The following HECW2 variants were observed in gnomAD, a reference collection of about 807,000 sequenced individuals.
The protein encoded by HECW2 is HECT, C2 and WW domain containing E3 ubiquitin protein ligase 2.
Under a neutral mutation model 175.2 loss-of-function variants are expected in HECW2, and 61 were observed. The ratio of observed to expected loss-of-function variants is 0.35; its 90% confidence interval spans 0.28 to 0.43. The LOEUF (loss-of-function observed/expected upper bound fraction) is 0.43, where lower values mean the gene tolerates loss of function less well. Ranked by LOEUF, HECW2 falls within the 20% of genes least tolerant of loss-of-function variation. The pLI is 1.00. For missense variants in HECW2, 1,524 were observed against 2,000.5 expected (o/e 0.76, Z 4.54); for synonymous variants, 671 against 731.0 (o/e 0.92, Z 1.32).
intron 1 of HECW2, among the ~76,000 whole-genome samples, chr2:196,517,783 T>C (rs950056884): frequency 6.6e-6 from 1 of 152,136 alleles, no homozygotes; most frequent in Admixed American, 6.5e-5. Flanking sequence ...AGGAAAATTG[T>C]TCCGCTAAAT....
intron 1 of HECW2, among the ~76,000 whole-genome samples, chr2:196,450,429 T>C (rs1696311808): frequency 6.6e-6 from 1 of 151,838 alleles, no homozygotes; most frequent in Non-Finnish European, 1.5e-5. Context: ...TCAACCACCA[T>C]TGTCTAGTCT....
intron 15 of HECW2, among the ~76,000 whole-genome samples, chr2:196,275,803 C>T (rs1479345000): frequency 5.3e-5 from 8 of 151,476 alleles, no homozygotes; most frequent in Admixed American, 4.6e-4. Flanking sequence ...TCCCTCATAA[C>T]AGCAACCACT....
intron 13 of HECW2, among the ~76,000 whole-genome samples, chr2:196,297,603 CTGT>C (rs1318834753): frequency 1.3e-5 from 2 of 152,148 alleles, no homozygotes; most frequent in African/African-American, 4.8e-5. Context: ...TCACCTAATT[CTGT>C]TGTTTTCAAA....
intron 1 of HECW2, among the ~76,000 whole-genome samples, chr2:196,539,949 T>G (rs909616690): frequency 6.6e-6 from 1 of 152,226 alleles, no homozygotes; most frequent in Non-Finnish European, 1.5e-5. Context: ...GTTTTTCCCA[T>G]GTAAAAAGGT....
intron 1 of HECW2, among the ~76,000 whole-genome samples, chr2:196,448,130 T>G (rs1204602924): frequency 6.6e-6 from 1 of 152,234 alleles, no homozygotes; most frequent in African/African-American, 2.4e-5. Flanking sequence ...TATTTGTGAT[T>G]ATAACCTAAA....
chr2:196,535,664 G>A (rs1688996654), intron 1 of HECW2, among the ~76,000 whole-genome samples: 1 of 152,114 alleles, frequency 6.6e-6, no homozygotes, highest in African/African-American at 2.4e-5. Flanking sequence ...GATATTCTCT[G>A]CCTTACCCTC....
chr2:196,541,442 A>G (rs1689209121), intron 1 of HECW2, among the ~76,000 whole-genome samples: 1 of 152,172 alleles, frequency 6.6e-6, no homozygotes, highest in Admixed American at 6.5e-5. Flanking sequence ...CAGAATGGCT[A>G]GAGGATTGGG....
chr2:196,487,064 G>A (rs1462171958), intron 1 of HECW2, among the ~76,000 whole-genome samples: 1 of 150,946 alleles, frequency 6.6e-6, no homozygotes, highest in Admixed American at 6.6e-5. Context: ...CAGGAGAATC[G>A]CTTGAACCCA....
intron 21 of HECW2, among the ~76,000 whole-genome samples, chr2:196,229,700 G>T (rs1687980349): frequency 1.3e-5 from 2 of 152,094 alleles, no homozygotes; most frequent in African/African-American, 4.8e-5. Context: ...CCTATAGGCA[G>T]AAGATAAATA....
chr2:196,494,272 G>A (rs1687303179), intron 1 of HECW2, among the ~76,000 whole-genome samples: 1 of 152,172 alleles, frequency 6.6e-6, no homozygotes, highest in African/African-American at 2.4e-5. Context: ...GCTGGCGGGG[G>A]CTGGGAAGAG....
chr2:196,289,820 A>T (rs1243605231), intron 14 of HECW2: 2 of 152,220 alleles, frequency 1.3e-5, no homozygotes, highest in East Asian at 3.8e-4. Flanking sequence ...CATGCAGCCC[A>T]AAGCAGAGTA....
intron 15 of HECW2, among the ~76,000 whole-genome samples, chr2:196,276,449 T>C (rs1173439081): frequency 2.0e-5 from 3 of 152,296 alleles, no homozygotes; most frequent in African/African-American, 7.2e-5. Flanking sequence ...AGTATAGCTA[T>C]TAATCTCATG....
intron 13 of HECW2, among the ~76,000 whole-genome samples, chr2:196,297,507 A>G (rs756123628): frequency 1.1e-4 from 16 of 152,262 alleles, no homozygotes; most frequent in Non-Finnish European, 2.1e-4. Flanking sequence ...AATGGAAATA[A>G]TAATCAATCC....
intron 1 of HECW2, among the ~76,000 whole-genome samples, chr2:196,475,417 G>C (rs924825870): frequency 7.1e-6 from 1 of 140,838 alleles, no homozygotes; most frequent in African/African-American, 2.6e-5. Flanking sequence ...GAGGGGAGGG[G>C]AGAGAGACGA....
At chr2:196,330,771 GC>G (rs143094052) in intron 4 of HECW2, among the ~76,000 whole-genome samples, 1,746 of 152,174 alleles carry the variant, frequency 0.011, 32 homozygotes, top group African/African-American at 0.04. Flanking sequence ...ATTTCCATCT[GC>G]CAATCCCTCC....
intron 2 of HECW2, among the ~76,000 whole-genome samples, chr2:196,376,617 C>CA (rs1191992677): frequency 6.7e-5 from 9 of 133,456 alleles, no homozygotes; most frequent in Admixed American, 1.7e-4. Flanking sequence ...GCCTGGGCAA[C>CA]AGAGCAAGAC....
chr2:196,371,890 A>C (rs1206684433), intron 2 of HECW2, among the ~76,000 whole-genome samples: 1 of 152,204 alleles, frequency 6.6e-6, no homozygotes, highest in Non-Finnish European at 1.5e-5. Context: ...TTTTCTGTGA[A>C]TCTACCAACT....
chr2:196,257,603 G>T, intron 18 of HECW2: 1 of 555,838 alleles, frequency 1.8e-6, no homozygotes, highest in Non-Finnish European at 3.2e-6. Flanking sequence ...TCCCTTGCCA[G>T]CAGGGTGAAA....
chr2:196,499,457 A>C (rs1373376135), intron 1 of HECW2, among the ~76,000 whole-genome samples: 2 of 152,206 alleles, frequency 1.3e-5, no homozygotes, highest in Non-Finnish European at 2.9e-5. Flanking sequence ...AATTTACATT[A>C]CAAATATAAA....
Sources: allele counts gnomAD v4.1 joint callset (sites outside exome capture counted in the v4.1 genomes callset), GRCh38; gene constraint gnomAD v4.1.1; transcripts MANE v1.5; gene names NCBI Gene and HGNC (gene_info 2026-07-23, HGNC 2026-07-21).